The following LILRB1 variants were observed in gnomAD, a reference collection of about 807,000 sequenced individuals.
LILRB1 encodes leukocyte immunoglobulin like receptor B1.
LILRB1 carries 59 observed loss-of-function variants against 74.6 expected under a neutral mutation model. The ratio of observed to expected loss-of-function variants is 0.79; its 90% CI spans 0.64 to 0.98. The LOEUF (loss-of-function observed/expected upper bound fraction) is 0.98. Among genes scored for constraint, LILRB1 ranks in the 50% least tolerant of loss-of-function variants. The pLI is 0.00. For synonymous variants in LILRB1, 328 were observed against 333.9 expected, an observed-to-expected ratio of 0.98 and a Z score of 0.19; for missense variants, 804 against 822.6, an observed-to-expected ratio of 0.98 and a Z score of 0.28.
intron 1 of LILRB1, among the ~76,000 whole-genome samples, chr19:54,622,686 T>C (rs1440192233): frequency 1.3e-5 from 2 of 152,262 alleles, no homozygotes; most frequent in African/African-American, 2.4e-5. Flanking sequence ...CTGATTGCTC[T>C]GGCTAGGACT....
upstream of LILRB1, among the ~76,000 whole-genome samples, chr19:54,626,814 C>T (rs2063603372): frequency 6.6e-6 from 1 of 152,178 alleles, no homozygotes; most frequent in African/African-American, 2.4e-5. Flanking sequence ...TGATGAGGAG[C>T]ATTGCTGTGG....
chr19:54,632,738 C>G lies in LILRB1; in HGVS notation c.936C>G (p.Asp312Glu), dbSNP rs2063999791. 6.2e-7 allele frequency: 1 copy of G among 1,612,090 alleles called. No homozygotes were observed. Among genetic ancestry groups the G allele is most frequent in the Non-Finnish European group, 8.5e-7 (1 of 1,179,872 alleles). Residue 312 changes from aspartate (D) to glutamate (E), a missense_variant, in exon 6 of 15, where the codon GAC (aspartate) becomes GAG (glutamate). By Grantham distance (45) the Asp-to-Glu change is conservative. Coordinates refer to ENST00000324602, the MANE Select transcript of LILRB1 (RefSeq NM_001081637.3). ...CCTCCGAGTGGTCGGCCCCCAGCGA[C>G]CCCCTGGACATCCTGATCGCAGGTG... ...NLSSEWSAPSDPLDILIAGQF... is the reference protein window; with the variant it reads ...NLSSEWSAPSEPLDILIAGQF...
chr19:54,634,968 C>G, intron 10 of LILRB1, 136 bp from the exon 11 acceptor site: 2 of 1,449,044 alleles, frequency 1.4e-6, no homozygotes, highest in South Asian at 1.4e-5. Flanking sequence ...GTCCTTCGGG[C>G]TCTGTCCATC....
At chr19:54,631,857 C>T (rs1052350111) in intron 4 of LILRB1, 70 bp downstream of exon 4, 3 of 1,605,874 alleles carry the variant, frequency 1.9e-6, no homozygotes, top group Admixed American at 3.4e-5. Flanking sequence ...TCAGGGGCTT[C>T]TCCCTCTCAC....
At chr19:54,632,813 C>G (rs773504277) in intron 6 of LILRB1, 53 bp downstream of exon 6, 3 of 1,306,516 alleles carry the variant, frequency 2.3e-6, no homozygotes, top group Non-Finnish European at 3.0e-6. Context: ...CAGGCCCTGC[C>G]GGGGGAGCTC....
intron 1 of LILRB1, among the ~76,000 whole-genome samples, chr19:54,618,015 C>T (rs866864918): frequency 2.7e-5 from 4 of 149,236 alleles, no homozygotes; most frequent in South Asian, 2.1e-4. Flanking sequence ...ACAGGAGAAT[C>T]ACTTCAGCAT....
chr19:54,635,097 C>G lies in LILRB1; in HGVS notation c.1487-7C>G. On this transcript the variant is annotated splice_region_variant and splice_polypyrimidine_tract_variant and intron_variant, in intron 10 of 14. Transcript: ENST00000324602. ...CCAGGGCTGAGGCTCTGTCCTTCTT[C>G]CCCCAGCCCAGAGAAAGGCTGATTT... 2 of 1,546,442 alleles carry G rather than the reference C, an allele frequency of 1.3e-6. No homozygotes were observed. The highest frequency in any genetic ancestry group is 1.8e-6 in the Non-Finnish European group (2 of 1,134,234).
rs780970797 is a variant in LILRB1 at position 54,630,632 on chromosome 19, T to A, written c.-50T>A. ...TCCAGGGCTGGAGGGACGACTGCCA[T>A]GGTAAGGACCCCACAACACTGAGCT... is the stretch of plus-strand genomic sequence containing the variant. On this transcript the variant is annotated splice_region_variant and 5_prime_UTR_variant, in exon 1 of 15. It removes an upstream start codon present in the reference 5' UTR. Coordinates refer to ENST00000324602, the MANE Select transcript of LILRB1 (RefSeq NM_001081637.3). The A allele has an allele frequency of 3.0e-5, 27 of 888,760 alleles. No homozygotes were observed. The highest frequency in any genetic ancestry group is 1.2e-4 in the Admixed American group (6 of 50,584). The allele number at this position is 888,760 out of a possible 1,614,324, so 55.1% of individuals were successfully genotyped here.
intron 2 of LILRB1, 27 bp from the exon 3 acceptor site, chr19:54,631,244 A>C (rs1429151399): frequency 5.6e-6 from 9 of 1,613,756 alleles, no homozygotes; most frequent in Non-Finnish European, 7.6e-6. Flanking sequence ...TCAGGGGGCA[A>C]ATCCCTCACC....
chr19:54,633,142 C>A lies in LILRB1; in HGVS notation c.1085C>A (p.Ala362Glu). The A allele has an allele frequency of 6.2e-7, 1 of 1,614,274 alleles. No individual in the cohort carries two copies. The highest frequency in any genetic ancestry group is 8.5e-7 in the Non-Finnish European group (1 of 1,180,044). Residue 362 changes from alanine to glutamate, a missense_variant, in exon 7 of 15, where the codon GCA becomes GAA. By Grantham distance (107) the Ala-to-Glu change is moderately radical. Coordinates refer to ENST00000324602, the MANE Select transcript of LILRB1 (RefSeq NM_001081637.3). ...ACTTTCCTTCTGACCAAGGAGGGGGCAGCTGATGACCCATGGCGTCTAAGA... is the reference window on the plus strand; with the variant it reads ...ACTTTCCTTCTGACCAAGGAGGGGGAAGCTGATGACCCATGGCGTCTAAGA... ...MQTFLLTKEG[A>E]ADDPWRLRST...
At chr19:54,625,640 G>A (rs1363332075), upstream of LILRB1, among the ~76,000 whole-genome samples, 7 of 94,552 alleles carry the variant, frequency 7.4e-5, no homozygotes, top group Admixed American at 3.1e-4. Flanking sequence ...AGGGAGCCTC[G>A]CACTCACTCA....
At chr19:54,630,941 G>A (rs1249435545) in intron 1 of LILRB1, 85 bp from the exon 2 acceptor site, 2 of 1,608,592 alleles carry the variant, frequency 1.2e-6, no homozygotes, top group Non-Finnish European at 1.7e-6. Context: ...TCCACTTCCT[G>A]TGTGGCTGCA....
chr19:54,629,417 G>C (rs1038572662), upstream of LILRB1, among the ~76,000 whole-genome samples: 3 of 152,184 alleles, frequency 2.0e-5, no homozygotes, highest in East Asian at 3.8e-4. Flanking sequence ...ATCTGAAGAA[G>C]ATGCTGCTAT....
At chr19:54,631,844 C>T (rs1277257809) in intron 4 of LILRB1, 57 bp downstream of exon 4, 3 of 1,605,344 alleles carry the variant, frequency 1.9e-6, no homozygotes, top group Non-Finnish European at 1.7e-6. Flanking sequence ...AGGGGGACGG[C>T]TCTCAGGGGC....
intron 1 of LILRB1, among the ~76,000 whole-genome samples, chr19:54,618,090 GC>G (rs1288255787): frequency 1.5e-5 from 2 of 130,502 alleles, no homozygotes; most frequent in Non-Finnish European, 3.2e-5. Context: ...GACAGAGTGA[GC>G]CCCTGCCTCA....
At chr19:54,631,238 G>C (rs752203335) in intron 2 of LILRB1, 33 bp from the exon 3 acceptor site, 1 of 1,527,280 alleles carries the variant, frequency 6.5e-7, no homozygotes. Context: ...CAGGCTTCAG[G>C]GGGCAAATCC....
chr19:54,635,004 C>A, intron 10 of LILRB1, 100 bp from the exon 11 acceptor site: 1 of 1,397,332 alleles, frequency 7.2e-7, no homozygotes, highest in Non-Finnish European at 9.7e-7. Context: ...AACATGGAGG[C>A]AGGAGTGTTT....
chr19:54,631,396 C>G (rs2063827270), intron 3 of LILRB1, 90 bp downstream of exon 3: 7 of 1,612,470 alleles, frequency 4.3e-6, no homozygotes, highest in Non-Finnish European at 8.5e-7. Context: ...AATAGCAGTT[C>G]TGGGCTGACT....
At chr19:54,627,812 T>C (rs1005983457), upstream of LILRB1, among the ~76,000 whole-genome samples, 1 of 152,240 alleles carries the variant, frequency 6.6e-6, no homozygotes, top group African/African-American at 2.4e-5. Flanking sequence ...AGAAGACTTC[T>C]AGGACCAGAT....
Sources: gnomAD v4.1 joint callset for allele counts (sites outside exome capture counted in the v4.1 genomes callset) on GRCh38, gnomAD v4.1.1 for gene constraint, MANE v1.5 for transcripts, NCBI Gene and HGNC (gene_info 2026-07-23, HGNC 2026-07-21) for gene names.